Variants in GATA3 observed in about 807,000 individuals in gnomAD.
GATA3 encodes the protein trans-acting T-cell-specific transcription factor GATA-3.
GATA3 carries 6 observed loss-of-function variants against 36.0 expected under a neutral mutation model. That is an observed-to-expected ratio of 0.17 (90% CI 0.09 to 0.33). The LOEUF is 0.33. Ranked by LOEUF, GATA3 falls within the 10% of genes least tolerant of loss-of-function variation. GATA3 has a pLI of 1.00. For synonymous variants in GATA3, 326 were observed against 273.0 expected (o/e 1.19, Z -1.92); for missense variants, 514 against 610.1 (o/e 0.84, Z 1.66).
At chr10:8,058,254 G>A in intron 2 of GATA3, 51 bp from the exon 3 acceptor site, 6 of 1,600,564 alleles carry the variant, frequency 3.7e-6, no homozygotes, top group South Asian at 1.1e-5. Flanking sequence ...GGCCTCCCAG[G>A]GCCACACTCA....
At chr10:8,073,655 A>G in intron 5 of GATA3, 84 bp from the exon 6 acceptor site, 2 of 1,457,682 alleles carry the variant, frequency 1.4e-6, no homozygotes, top group Non-Finnish European at 1.8e-6. Flanking sequence ...CGGTCAGTGG[A>G]ACCCTTCTTG....
At chr10:8,047,520 G>C (rs755112993) in intron 1 of GATA3, among the ~76,000 whole-genome samples, 6 of 152,174 alleles carry the variant, frequency 3.9e-5, no homozygotes, top group Non-Finnish European at 8.8e-5. Context: ...TTAACGGTTG[G>C]AATAACCAGA....
At chr10:8,060,708 C>T (rs1049482351) in intron 3 of GATA3, among the ~76,000 whole-genome samples, 1 of 152,074 alleles carries the variant, frequency 6.6e-6, no homozygotes, top group Non-Finnish European at 1.5e-5. Flanking sequence ...CTTGTGCACA[C>T]TTTCTGCCTT....
At chr10:8,046,983 T>A (rs778049751) in intron 1 of GATA3, among the ~76,000 whole-genome samples, 3 of 152,114 alleles carry the variant, frequency 2.0e-5, no homozygotes, top group Non-Finnish European at 4.4e-5. Flanking sequence ...GCACAAGAGA[T>A]CTCTGCCAGC....
In GATA3 at chr10:8,074,899, GT is replaced by G; in HGVS notation, c.*878del. ...GATTACATTCAGTTGGCCTAAGGTG[GT>G]TGTGCTCGGAGGGTTTCTTGTTTCT... On this transcript the variant is annotated 3_prime_UTR_variant, in exon 6 of 6. Coordinates refer to ENST00000379328, the MANE Select transcript of GATA3 (RefSeq NM_001002295.2). The G allele has an allele frequency of 4.3e-6, 1 of 233,710 alleles. No homozygotes were observed. 14.5% of individuals were successfully genotyped at this position (233,710 alleles called of 1,614,324 possible).
chr10:8,067,622 T>G (rs1020959223), intron 4 of GATA3, among the ~76,000 whole-genome samples: 2 of 152,046 alleles, frequency 1.3e-5, no homozygotes, highest in Admixed American at 1.3e-4. Flanking sequence ...ATAGAGACCA[T>G]CCTGGCTAAC....
intron 4 of GATA3, among the ~76,000 whole-genome samples, chr10:8,068,501 C>T (rs186323478): frequency 1.7e-4 from 26 of 152,262 alleles, no homozygotes; most frequent in African/African-American, 4.6e-4. Flanking sequence ...CCTGTAATAC[C>T]GGCACTTTGG....
chr10:8,054,644 G>A (rs1832587019), upstream of GATA3: 1 of 151,942 alleles, frequency 6.6e-6, no homozygotes, highest in African/African-American at 2.4e-5. The surrounding 1 kb of genome is among the most constrained non-coding windows in gnomAD (Gnocchi z 4.2). Flanking sequence ...CGGCGCGGAT[G>A]ACACTAGAAC....
chr10:8,051,538 C>A (rs1280010329), upstream of GATA3: 3 of 156,258 alleles, frequency 1.9e-5, no homozygotes, highest in South Asian at 3.7e-4. Context: ...TCCTCCTGGT[C>A]GCCTCCTCGC....
At chr10:8,046,285 C>T (rs559059561) in intron 1 of GATA3, among the ~76,000 whole-genome samples, 1 of 152,336 alleles carries the variant, frequency 6.6e-6, no homozygotes, top group Non-Finnish European at 1.5e-5. Flanking sequence ...CTGGGCAGGA[C>T]AGCTGCTTTA....
At chr10:8,046,301 C>T (rs1259018690) in intron 1 of GATA3, among the ~76,000 whole-genome samples, 1 of 152,156 alleles carries the variant, frequency 6.6e-6, no homozygotes, top group African/African-American at 2.4e-5. Context: ...CTTTACATGC[C>T]TTTTCTTTCT....
Position 8,058,611 on chromosome 10 carries a change from G to A in GATA3, c.548G>A (p.Cys183Tyr). 1 of 1,612,318 alleles carries A rather than the reference G, an allele frequency of 6.2e-7. No homozygotes were observed. The highest frequency in any genetic ancestry group is 8.5e-7 in the Non-Finnish European group (1 of 1,179,916). ...TCGGCCCGGCAGGACGAGAAAGAGT[G>A]CCTCAAGTACCAGGTGCCCCTGCCC... is the stretch of plus-strand genomic sequence containing the variant. ...AGSARQDEKE[C>Y]LKYQVPLPDS... Residue 183 changes from cysteine to tyrosine, a missense_variant, in exon 3 of 6, where the codon TGC becomes TAC. Physicochemically the swap from Cys to Tyr is radical, Grantham distance 194. Coordinates refer to ENST00000379328, the MANE Select transcript of GATA3 (RefSeq NM_001002295.2).
chr10:8,054,676 A>G (rs1469040181), upstream of GATA3: 1 of 151,558 alleles, frequency 6.6e-6, no homozygotes, highest in Non-Finnish European at 1.5e-5. This position sits in a 1 kb window ranked among gnomAD's most constrained non-coding sequence, Gnocchi z 4.2. Context: ...GCGTCGCGCC[A>G]CAGCTGTCTG....
At chr10:8,056,635 G>T (rs1832644558) in intron 2 of GATA3, among the ~76,000 whole-genome samples, 1 of 151,998 alleles carries the variant, frequency 6.6e-6, no homozygotes, top group South Asian at 2.1e-4. Flanking sequence ...CTTTCAAGTC[G>T]CCTCCTTGCC....
rs201023943 is a variant in GATA3 at position 8,058,551 on chromosome 10, C to G, written c.488C>G (p.Pro163Arg). Residue 163 changes from proline (P) to arginine (R), a missense_variant, in exon 3 of 6, where the codon CCG becomes CGG. Pro to Arg is a moderately radical substitution (Grantham distance 103). Transcript: ENST00000379328. Reference protein sequence around the residue: ...FPPTPPKDVSPDPSLSTPGSA... With the variant: ...FPPTPPKDVSRDPSLSTPGSA... ...CCCACCCCGCCGAAGGACGTCTCCC[C>G]GGACCCATCGCTGTCCACCCCAGGC... 1.2e-6 allele frequency: 2 copies of G among 1,612,378 alleles called. No homozygotes were observed.
chr10:8,068,763 A>G (rs1832885315), intron 4 of GATA3, among the ~76,000 whole-genome samples: 1 of 152,200 alleles, frequency 6.6e-6, no homozygotes, highest in Non-Finnish European at 1.5e-5. Context: ...AAAACGAGAA[A>G]AAAAGAAAGT....
chr10:8,068,689 G>C (rs1485596652), intron 4 of GATA3, among the ~76,000 whole-genome samples: 1 of 152,208 alleles, frequency 6.6e-6, no homozygotes, highest in African/African-American at 2.4e-5. Flanking sequence ...TGAGGTGGAG[G>C]TTGCAGTGAG....
Position 8,074,123 on chromosome 10 carries a change from GAT to G in GATA3, c.*105_*106del, listed in dbSNP as rs1832977360. 1.5e-6 allele frequency: 2 copies of G among 1,369,874 alleles called. No individual in the cohort carries two copies. The highest frequency in any genetic ancestry group is 2.0e-6 in the Non-Finnish European group (2 of 1,005,108). The allele number at this position is 1,369,874 out of a possible 1,614,324, so 84.9% of individuals were successfully genotyped here. A position where few individuals can be genotyped will look rare whatever the true frequency, so the allele number is the denominator to read the frequency against. ...AGTATCATGAAGCCTAAACGCGATG[GAT>G]ATATGTTTTTGAAGGCAGAAAGCAA... On this transcript the variant is annotated 3_prime_UTR_variant, in exon 6 of 6. Transcript: ENST00000379328.
chr10:8,069,634 T>C (rs2131512607), intron 5 of GATA3, 36 bp downstream of exon 5: 1 of 1,613,184 alleles, frequency 6.2e-7, no homozygotes, highest in South Asian at 1.1e-5. Context: ...CAGGGCTCGC[T>C]TCCTGATGGT....
Sources: allele counts gnomAD v4.1 joint callset (sites outside exome capture counted in the v4.1 genomes callset), GRCh38; gene constraint gnomAD v4.1.1; non-coding constraint Gnocchi (gnomAD v3.1); transcripts MANE v1.5; gene names NCBI Gene and HGNC (gene_info 2026-07-23, HGNC 2026-07-21).